Variants in VSTM4 observed in about 807,000 individuals in gnomAD.
VSTM4 encodes the protein V-set and transmembrane domain containing 4.
Under a neutral mutation model 36.4 loss-of-function variants are expected in VSTM4, and 20 were observed. That is an observed-to-expected ratio of 0.55 (90% CI 0.39 to 0.80). The LOEUF (loss-of-function observed/expected upper bound fraction) is 0.80, where lower values mean the gene tolerates loss of function less well. Among genes scored for constraint, VSTM4 ranks in the 30% least tolerant of loss-of-function variants. VSTM4 has a pLI of 0.00. For missense variants in VSTM4, 392 were observed against 404.5 expected, an observed-to-expected ratio of 0.97 and a Z score of 0.26; for synonymous variants, 182 against 173.9, an observed-to-expected ratio of 1.05 and a Z score of -0.37.
At position 49,058,430 on chromosome 10, in the gene VSTM4, TTA is replaced by T. The variant is rs1201657166; in HGVS notation, c.668+6271_668+6272del. Among the ~76,000 whole-genome samples the T allele has an allele frequency of 2.0e-5, 3 of 152,122 alleles. No individual in the cohort carries two copies. In the East Asian group the frequency reaches 5.8e-4, roughly 29 times the overall value. ...GGTTTCCAGGAATTTTGGAGCAATT[TTA>T]TATCCTCCAGCTGAGCTGCTCTCAG... is the stretch of plus-strand genomic sequence containing the variant. On this transcript the variant is annotated intron_variant, in intron 5 of 7. Transcript: ENST00000332853.
rs1388451681 is a variant in VSTM4 at position 49,018,630 on chromosome 10, A to G, written c.*1020T>C. ...AGTAAGTCCAAGATTCCTGTGTCCC[A>G]AAGGTCCACAGAGCAACTTCCCCAT... On this transcript the variant is annotated 3_prime_UTR_variant, in exon 8 of 8. Transcript: ENST00000332853. 1 of 152,228 alleles carries G rather than the reference A, an allele frequency of 6.6e-6. No individual in the cohort carries two copies. Among genetic ancestry groups the G allele is most frequent in the African/African-American group, 2.4e-5 (1 of 41,450 alleles). 9.4% of individuals were successfully genotyped at this position (152,228 alleles called of 1,614,324 possible).
At position 49,069,157 on chromosome 10, in the gene VSTM4, C is replaced by T. The variant is rs545943046; in HGVS notation, c.635-4421G>A. Among the ~76,000 whole-genome samples the T allele has an allele frequency of 2.0e-5, 3 of 152,282 alleles. No individual in the cohort carries two copies. The South Asian group carries it at 6.2e-4, about 32-fold the overall frequency. ...AGACCTGTCCCTATCACCACTGCCA[C>T]CCCAAGCTGGGTGATTTGAGGTGGA... On this transcript the variant is annotated intron_variant, in intron 4 of 7. Transcript: ENST00000332853.
chr10:49,096,723 C>T (rs552009292), intron 2 of VSTM4, among the ~76,000 whole-genome samples: 32 of 151,488 alleles, frequency 2.1e-4, no homozygotes, highest in African/African-American at 6.6e-4. Flanking sequence ...GACACGATCT[C>T]GGCTCACTGC....
intron 5 of VSTM4, among the ~76,000 whole-genome samples, chr10:49,051,651 C>T (rs1382890025): frequency 6.6e-6 from 1 of 152,214 alleles, no homozygotes; most frequent in Non-Finnish European, 1.5e-5. Context: ...CCGCCTTGGC[C>T]TCCCAAAGTG....
intron 7 of VSTM4, among the ~76,000 whole-genome samples, chr10:49,044,956 C>G (rs146692135): frequency 5.7e-4 from 87 of 152,250 alleles, no homozygotes; most frequent in Middle Eastern, 3.4e-3. Context: ...AAAAGATAAT[C>G]TCTTTTTCAC....
intron 2 of VSTM4, among the ~76,000 whole-genome samples, chr10:49,095,411 G>A (rs1399448743): frequency 1.3e-5 from 2 of 152,036 alleles, no homozygotes; most frequent in Non-Finnish European, 2.9e-5. Flanking sequence ...GGTGCATTTC[G>A]GAAGGCCCCG....
rs1843704816 is a variant in VSTM4 at position 49,051,932 on chromosome 10, T to A, written c.669-3348A>T. Among the ~76,000 whole-genome samples, 3 of 136,886 alleles carry A rather than the reference T, an allele frequency of 2.2e-5. No homozygotes were observed. The South Asian group carries it at 7.3e-4, about 33-fold the overall frequency. 89.8% of individuals were successfully genotyped at this position (136,886 alleles called of 152,430 possible). On this transcript the variant is annotated intron_variant, in intron 5 of 7. Transcript: ENST00000332853. ...TATATTATAATTTTGTATTCTTAAT[T>A]TACTTAATCTAAATTTTTCATATTT...
At chr10:49,100,034 A>G (rs1470735681) in intron 2 of VSTM4, among the ~76,000 whole-genome samples, 1 of 152,230 alleles carries the variant, frequency 6.6e-6, no homozygotes, top group Non-Finnish European at 1.5e-5. Flanking sequence ...AAGAAAAAGA[A>G]AAAGGAAGGA....
chr10:49,101,153 T>C (rs1844658563), intron 2 of VSTM4, among the ~76,000 whole-genome samples: 2 of 152,072 alleles, frequency 1.3e-5, no homozygotes, highest in South Asian at 2.1e-4. Flanking sequence ...CAAGGTACCA[T>C]GTACAATGTA....
intron 7 of VSTM4, among the ~76,000 whole-genome samples, chr10:49,046,443 C>G (rs1370621664): frequency 6.6e-6 from 1 of 152,140 alleles, no homozygotes; most frequent in East Asian, 1.9e-4. Context: ...AGCAGGTAGA[C>G]CAAAATCTGG....
chr10:49,070,412 TA>T (rs59034459), intron 4 of VSTM4, among the ~76,000 whole-genome samples: 56,151 of 149,230 alleles, frequency 0.38, 11,484 homozygotes, highest in African/African-American at 0.55. Context: ...ATGTGACTAC[TA>T]AAAAAAAAAA....
chr10:49,067,928 A>T (rs1844001992), intron 4 of VSTM4, among the ~76,000 whole-genome samples: 1 of 152,232 alleles, frequency 6.6e-6, no homozygotes, highest in African/African-American at 2.4e-5. Context: ...GTATTTCCAT[A>T]TAACCTACGC....
At chr10:49,093,001 A>G (rs116418601) in intron 2 of VSTM4, among the ~76,000 whole-genome samples, 1,819 of 152,030 alleles carry the variant, frequency 0.012, 30 homozygotes, top group African/African-American at 0.042. Flanking sequence ...TCTCCCTTCT[A>G]CCTCCCCCAT....
At position 49,017,880 on chromosome 10, in the gene VSTM4, ATAT is replaced by A. The variant is rs1843126445; in HGVS notation, c.*1767_*1769del. ...ATTATATAAATGGTGTGCTAACCAT[ATAT>A]CCTCCCCTCCCAAAGAGATGCTCAA... On this transcript the variant is annotated 3_prime_UTR_variant, in exon 8 of 8. Transcript: ENST00000332853. The A allele has an allele frequency of 6.6e-6, 1 of 152,234 alleles. No individual in the cohort carries two copies. The highest frequency in any genetic ancestry group is 1.5e-5 in the Non-Finnish European group (1 of 68,046). 9.4% of individuals were successfully genotyped at this position (152,234 alleles called of 1,614,324 possible).
chr10:49,099,257 A>C (rs4298825), intron 2 of VSTM4, among the ~76,000 whole-genome samples: 1 of 152,174 alleles, frequency 6.6e-6, no homozygotes, highest in East Asian at 1.9e-4. Flanking sequence ...ATTCGCTGCT[A>C]TTATCACTCC....
chr10:49,020,765 G>C (rs1392115593), intron 7 of VSTM4, among the ~76,000 whole-genome samples: 2 of 96,596 alleles, frequency 2.1e-5, no homozygotes, highest in East Asian at 4.3e-4. Flanking sequence ...GGGAGGGAGG[G>C]AGGGAGGCAG....
chr10:49,053,044 C>T (rs1441443910), intron 5 of VSTM4, among the ~76,000 whole-genome samples: 1 of 152,134 alleles, frequency 6.6e-6, no homozygotes, highest in African/African-American at 2.4e-5. Flanking sequence ...GATTAACTTA[C>T]AAGAAAAGTT....
chr10:49,057,548 G>A (rs530517695), intron 5 of VSTM4, among the ~76,000 whole-genome samples: 30 of 152,288 alleles, frequency 2.0e-4, no homozygotes, highest in Admixed American at 1.0e-3. Context: ...TGAAGCTGTC[G>A]GAATCCAGGT....
At chr10:49,075,441 C>G (rs146424787) in intron 4 of VSTM4, among the ~76,000 whole-genome samples, 26 of 152,404 alleles carry the variant, frequency 1.7e-4, no homozygotes, top group African/African-American at 5.0e-4. Context: ...TCCTGAGCCA[C>G]ATTCCAAGGA....
Sources: allele counts gnomAD v4.1 joint callset (sites outside exome capture counted in the v4.1 genomes callset), GRCh38; gene constraint gnomAD v4.1.1; transcripts MANE v1.5; gene names NCBI Gene and HGNC (gene_info 2026-07-23, HGNC 2026-07-21).